CCSER1: variants seen among roughly 807,000 people sequenced by gnomAD.
The protein encoded by CCSER1 is serine-rich coiled-coil domain-containing protein 1.
Under a neutral mutation model 82.0 loss-of-function variants are expected in CCSER1, and 41 were observed. The observed-to-expected ratio is 0.50, with a 90% CI of 0.39 to 0.65. CCSER1 has a LOEUF of 0.65. CCSER1 is among the 30% of genes least tolerant of loss of function. The probability of loss-of-function intolerance (pLI) is 0.00; values close to 1 mark genes in which losing one functional copy is unlikely to be tolerated. For missense variants in CCSER1, 1,119 were observed against 1,064.2 expected, an observed-to-expected ratio of 1.05 and a Z score of -0.72; for synonymous variants, 414 against 383.9, an observed-to-expected ratio of 1.08 and a Z score of -0.92.
At chr4:90,372,596 A>G (rs1364898514) in intron 3 of CCSER1, among the ~76,000 whole-genome samples, 2 of 152,082 alleles carry the variant, frequency 1.3e-5, no homozygotes, top group East Asian at 3.9e-4. Flanking sequence ...CTAAAAATCC[A>G]AAATTTAGCC....
intron 5 of CCSER1, among the ~76,000 whole-genome samples, chr4:90,546,544 G>A (rs910184158): frequency 6.6e-6 from 1 of 152,036 alleles, no homozygotes; most frequent in Admixed American, 6.6e-5. Flanking sequence ...TATGCTAATG[G>A]TGTATGTATA....
intron 10 of CCSER1, among the ~76,000 whole-genome samples, chr4:91,496,486 T>C (rs555581681): frequency 6.9e-6 from 1 of 145,684 alleles, no homozygotes; most frequent in Admixed American, 7.1e-5. Context: ...ATCTACTGTA[T>C]GTTTTATGTA....
At chr4:91,393,469 T>C (rs1751784020) in intron 10 of CCSER1, among the ~76,000 whole-genome samples, 1 of 152,096 alleles carries the variant, frequency 6.6e-6, no homozygotes, top group Non-Finnish European at 1.5e-5. Flanking sequence ...AAAATCTATA[T>C]TTTTTGTCGT....
chr4:90,415,192 C>G (rs1755614109), intron 4 of CCSER1, among the ~76,000 whole-genome samples: 1 of 152,084 alleles, frequency 6.6e-6, no homozygotes, highest in Non-Finnish European at 1.5e-5. Context: ...AATTCTTGTT[C>G]CTAAGAACTG....
intron 3 of CCSER1, among the ~76,000 whole-genome samples, chr4:90,369,587 T>C (rs777519199): frequency 3.3e-5 from 5 of 152,020 alleles, no homozygotes; most frequent in Non-Finnish European, 7.4e-5. Context: ...TTCAACAATA[T>C]ATCAAAAATG....
At chr4:90,850,346 A>G (rs879937355) in intron 8 of CCSER1, among the ~76,000 whole-genome samples, 2 of 152,190 alleles carry the variant, frequency 1.3e-5, no homozygotes, top group African/African-American at 4.8e-5. Context: ...GATGGCCACC[A>G]TATTCTGGAT....
chr4:90,376,713 A>G (rs185157147), intron 3 of CCSER1, among the ~76,000 whole-genome samples: 6 of 152,274 alleles, frequency 3.9e-5, no homozygotes, highest in Middle Eastern at 3.4e-3. Context: ...TGTCAGATTA[A>G]TCAGAGTGGC....
chr4:90,332,254 G>T (rs181750367), intron 3 of CCSER1, among the ~76,000 whole-genome samples: 2,809 of 144,722 alleles, frequency 0.019, 62 homozygotes, highest in African/African-American at 0.051. Context: ...TTGAGATGGA[G>T]TTTTTTTTTT....
chr4:90,579,056 T>C (rs1416454971), intron 5 of CCSER1, among the ~76,000 whole-genome samples: 2 of 152,158 alleles, frequency 1.3e-5, no homozygotes, highest in Non-Finnish European at 1.5e-5. Flanking sequence ...AAATAAATAA[T>C]ATCCTAGCTA....
At chr4:91,361,178 A>G (rs1231875881) in intron 10 of CCSER1, among the ~76,000 whole-genome samples, 1 of 151,798 alleles carries the variant, frequency 6.6e-6, no homozygotes, top group East Asian at 1.9e-4. Flanking sequence ...GTGTTTTGTT[A>G]TTATTATTCT....
At chr4:90,693,163 T>C (rs1472814706) in intron 6 of CCSER1, among the ~76,000 whole-genome samples, 5 of 152,076 alleles carry the variant, frequency 3.3e-5, no homozygotes, top group African/African-American at 1.2e-4. Flanking sequence ...TAAATTTTAT[T>C]GCATGCTTGT....
At chr4:91,157,291 A>G (rs1420575256) in intron 10 of CCSER1, among the ~76,000 whole-genome samples, 1 of 152,008 alleles carries the variant, frequency 6.6e-6, no homozygotes, top group Non-Finnish European at 1.5e-5. Context: ...ATTTTGAGAA[A>G]GTGCTTAATA....
intron 1 of CCSER1, among the ~76,000 whole-genome samples, chr4:90,259,039 G>A (rs1259266626): frequency 1.3e-5 from 2 of 152,072 alleles, no homozygotes; most frequent in Admixed American, 6.6e-5. Flanking sequence ...TATTTTGATG[G>A]GAATAGCATT....
intron 3 of CCSER1, among the ~76,000 whole-genome samples, chr4:90,345,197 G>A (rs1742108564): frequency 6.6e-6 from 1 of 152,110 alleles, no homozygotes; most frequent in Admixed American, 6.5e-5. Context: ...ACAGAAATAT[G>A]TGTAGGAATG....
chr4:90,454,681 C>T (rs1466439245), intron 4 of CCSER1, among the ~76,000 whole-genome samples: 1 of 152,050 alleles, frequency 6.6e-6, no homozygotes, highest in Non-Finnish European at 1.5e-5. Context: ...AGCTTATCCC[C>T]CAAATTATCT....
At chr4:91,296,485 A>ATT (rs1553921465) in intron 10 of CCSER1, among the ~76,000 whole-genome samples, 1 of 140,984 alleles carries the variant, frequency 7.1e-6, no homozygotes, top group Non-Finnish European at 1.5e-5. Context: ...ATATATATAT[A>ATT]TTTTAATTAA....
chr4:90,356,209 T>G (rs1744354252), intron 3 of CCSER1, among the ~76,000 whole-genome samples: 1 of 151,894 alleles, frequency 6.6e-6, no homozygotes, highest in Non-Finnish European at 1.5e-5. Flanking sequence ...CATTGTAATG[T>G]CTGTGTAGCT....
chr4:90,926,537 T>G (rs1166975916), intron 9 of CCSER1, among the ~76,000 whole-genome samples: 1 of 152,100 alleles, frequency 6.6e-6, no homozygotes, highest in Non-Finnish European at 1.5e-5. Context: ...AAAAATTCAC[T>G]GCCATGAATA....
chr4:90,156,491 T>A (rs898861775), intron 1 of CCSER1, among the ~76,000 whole-genome samples: 1 of 152,200 alleles, frequency 6.6e-6, no homozygotes, highest in African/African-American at 2.4e-5. Context: ...TCTCCCATTA[T>A]TAATGTTTGG....
Sources: gnomAD v4.1 joint callset for allele counts (sites outside exome capture counted in the v4.1 genomes callset) on GRCh38, gnomAD v4.1.1 for gene constraint, MANE v1.5 for transcripts, NCBI Gene and HGNC (gene_info 2026-07-23, HGNC 2026-07-21) for gene names.